The following CCSER1 variants were observed in gnomAD, a reference collection of about 807,000 sequenced individuals.
CCSER1 encodes the protein serine-rich coiled-coil domain-containing protein 1.
In CCSER1, 41 loss-of-function variants were observed where a neutral mutation model predicts 82.0. The ratio of observed to expected loss-of-function variants is 0.50; its 90% CI spans 0.39 to 0.65. The LOEUF (loss-of-function observed/expected upper bound fraction) is 0.65. Ranked by LOEUF, CCSER1 falls within the 30% of genes least tolerant of loss-of-function variation. The pLI, the probability that CCSER1 is intolerant of heterozygous loss-of-function variation, is 0.00. For synonymous variants in CCSER1, 414 were observed against 383.9 expected, an observed-to-expected ratio of 1.08 and a Z score of -0.92; for missense variants, 1,119 against 1,064.2, an observed-to-expected ratio of 1.05 and a Z score of -0.72.
chr4:90,536,276 C>T (rs532212150), intron 5 of CCSER1, among the ~76,000 whole-genome samples: 90 of 152,186 alleles, frequency 5.9e-4, no homozygotes, highest in African/African-American at 1.7e-3. Context: ...TCAGGTGATG[C>T]GCCCGCCTCG....
chr4:90,583,922 T>G (rs570897481), intron 5 of CCSER1, among the ~76,000 whole-genome samples: 1 of 152,140 alleles, frequency 6.6e-6, no homozygotes, highest in African/African-American at 2.4e-5. Flanking sequence ...AATTGGAATA[T>G]ATTATTTTTC....
chr4:91,137,258 G>A (rs1449685836), intron 10 of CCSER1, among the ~76,000 whole-genome samples: 6 of 104,396 alleles, frequency 5.7e-5, no homozygotes, highest in East Asian at 2.9e-4. Context: ...GAGAATATGC[G>A]GTGTTTGGTT....
At chr4:90,978,160 A>T (rs1561439729) in intron 9 of CCSER1, among the ~76,000 whole-genome samples, 1 of 151,650 alleles carries the variant, frequency 6.6e-6, no homozygotes, top group Admixed American at 6.6e-5. Context: ...ATGACCTAGC[A>T]CACAGATTCC....
intron 9 of CCSER1, among the ~76,000 whole-genome samples, chr4:91,002,280 G>T (rs1738103214): frequency 6.6e-6 from 1 of 152,174 alleles, no homozygotes; most frequent in Non-Finnish European, 1.5e-5. Context: ...TGTGCTTCTT[G>T]TATTTGGATG....
At chr4:90,853,171 A>G (rs1345089919) in intron 8 of CCSER1, among the ~76,000 whole-genome samples, 2 of 152,128 alleles carry the variant, frequency 1.3e-5, no homozygotes, top group African/African-American at 4.8e-5. Flanking sequence ...CTACTAATTT[A>G]CTGGCTTTGT....
intron 10 of CCSER1, among the ~76,000 whole-genome samples, chr4:91,382,435 G>T (rs563301162): frequency 6.6e-6 from 1 of 152,282 alleles, no homozygotes; most frequent in South Asian, 2.1e-4. Flanking sequence ...CCTCGCTGCT[G>T]TCTTGCAGTT....
At chr4:91,428,226 T>C (rs1365876744) in intron 10 of CCSER1, among the ~76,000 whole-genome samples, 1 of 152,044 alleles carries the variant, frequency 6.6e-6, no homozygotes, top group Non-Finnish European at 1.5e-5. Context: ...TCTTTATGGC[T>C]TTTCATAAGC....
intron 10 of CCSER1, among the ~76,000 whole-genome samples, chr4:91,587,270 C>T (rs1380612436): frequency 1.3e-5 from 2 of 151,740 alleles, no homozygotes; most frequent in East Asian, 3.9e-4. Context: ...ATTCCAACAT[C>T]AGGACCTTTC....
chr4:90,616,564 A>C (rs578245104), intron 5 of CCSER1, among the ~76,000 whole-genome samples: 4 of 151,994 alleles, frequency 2.6e-5, no homozygotes, highest in South Asian at 4.2e-4. Context: ...ACACGCCTCT[A>C]ATCCCAGATA....
At chr4:90,627,000 T>G (rs1246240448) in intron 5 of CCSER1, among the ~76,000 whole-genome samples, 1 of 152,186 alleles carries the variant, frequency 6.6e-6, no homozygotes, top group Non-Finnish European at 1.5e-5. Flanking sequence ...TTGAAGTTGT[T>G]CAAAGTTTGA....
intron 7 of CCSER1, among the ~76,000 whole-genome samples, chr4:90,760,961 A>G (rs1750330634): frequency 6.6e-6 from 1 of 152,142 alleles, no homozygotes; most frequent in Admixed American, 6.6e-5. Flanking sequence ...TCTCAGAATC[A>G]GAAAGCCCTC....
intron 10 of CCSER1, among the ~76,000 whole-genome samples, chr4:91,265,565 T>G (rs1741509037): frequency 6.6e-6 from 1 of 152,216 alleles, no homozygotes; most frequent in South Asian, 2.1e-4. Flanking sequence ...AGTTGTATTC[T>G]GTAGAGCCAT....
chr4:90,136,211 G>T (rs754895841), intron 1 of CCSER1, among the ~76,000 whole-genome samples: 66 of 152,230 alleles, frequency 4.3e-4, no homozygotes, highest in Middle Eastern at 6.8e-3. Context: ...TATTAGCTGG[G>T]TGTGGTGGAG....
intron 9 of CCSER1, among the ~76,000 whole-genome samples, chr4:91,042,779 A>G (rs1742082560): frequency 6.6e-6 from 1 of 152,170 alleles, no homozygotes; most frequent in African/African-American, 2.4e-5. Flanking sequence ...AACACATTAC[A>G]GGGGGGAAAA....
intron 7 of CCSER1, among the ~76,000 whole-genome samples, chr4:90,735,742 T>G (rs1229309438): frequency 6.6e-6 from 1 of 152,096 alleles, no homozygotes; most frequent in Non-Finnish European, 1.5e-5. Context: ...GTATTATTTA[T>G]TTTACTAATT....
chr4:90,636,119 A>T (rs1049136964), intron 6 of CCSER1, among the ~76,000 whole-genome samples: 1 of 151,940 alleles, frequency 6.6e-6, no homozygotes, highest in Admixed American at 6.6e-5. Flanking sequence ...GGGAGGAATA[A>T]TCACTACAAA....
At chr4:90,688,155 GT>G (rs1735159987) in intron 6 of CCSER1, among the ~76,000 whole-genome samples, 2 of 152,146 alleles carry the variant, frequency 1.3e-5, no homozygotes, top group Non-Finnish European at 2.9e-5. Context: ...TAGGCCACGT[GT>G]TAAGGACATC....
At chr4:91,567,914 G>C (rs1409277540) in intron 10 of CCSER1, among the ~76,000 whole-genome samples, 1 of 152,014 alleles carries the variant, frequency 6.6e-6, no homozygotes, top group Admixed American at 6.6e-5. Flanking sequence ...TGTGATGTTA[G>C]CTGGTTATTA....
At chr4:90,708,572 T>C (rs1442071137) in intron 6 of CCSER1, among the ~76,000 whole-genome samples, 2 of 152,172 alleles carry the variant, frequency 1.3e-5, no homozygotes, top group Non-Finnish European at 2.9e-5. Flanking sequence ...TTTTATGATG[T>C]TTTCTTTAAT....
Sources: gnomAD v4.1 joint callset for allele counts (sites outside exome capture counted in the v4.1 genomes callset) on GRCh38, gnomAD v4.1.1 for gene constraint, MANE v1.5 for transcripts, NCBI Gene and HGNC (gene_info 2026-07-23, HGNC 2026-07-21) for gene names.